MTSS1: variants seen among roughly 807,000 people sequenced by gnomAD.
MTSS1 encodes MTSS I-BAR domain containing 1, also known as protein MTSS 1.
A neutral mutation model predicts 79.0 loss-of-function variants in MTSS1; 18 were observed. That is an observed-to-expected ratio of 0.23 (90% CI 0.16 to 0.34). The LOEUF (loss-of-function observed/expected upper bound fraction) is 0.34, where lower values mean the gene tolerates loss of function less well. Ranked by LOEUF, MTSS1 falls within the 10% of genes least tolerant of loss-of-function variation. The pLI, the probability that MTSS1 is intolerant of heterozygous loss-of-function variation, is 1.00. For synonymous variants in MTSS1, 341 were observed against 368.6 expected, an observed-to-expected ratio of 0.93 and a Z score of 0.86; for missense variants, 815 against 986.2, an observed-to-expected ratio of 0.83 and a Z score of 2.33.
At chr8:124,577,650 G>A (rs747586502) in intron 6 of MTSS1, 1 of 518,470 alleles carries the variant, frequency 1.9e-6, no homozygotes. Context: ...CTTCCACCCA[G>A]ACAGAAGGGG....
At chr8:124,583,534 G>A (rs1830392238) in intron 6 of MTSS1, among the ~76,000 whole-genome samples, 1 of 152,190 alleles carries the variant, frequency 6.6e-6, no homozygotes, top group South Asian at 2.1e-4. Flanking sequence ...AACCAATTCA[G>A]CCTCCATGCA....
chr8:124,617,786 C>T (rs931478597), intron 3 of MTSS1, among the ~76,000 whole-genome samples: 6 of 152,170 alleles, frequency 3.9e-5, no homozygotes, highest in Non-Finnish European at 8.8e-5. Context: ...TTATACTCCT[C>T]GCTTGAAGTA....
At chr8:124,608,790 G>A (rs1587239313) in intron 3 of MTSS1, among the ~76,000 whole-genome samples, 1 of 152,312 alleles carries the variant, frequency 6.6e-6, no homozygotes, top group African/African-American at 2.4e-5. Flanking sequence ...GCGCTAGATG[G>A]AAAATGGATT....
intron 3 of MTSS1, among the ~76,000 whole-genome samples, chr8:124,626,994 C>G (rs1814818919): frequency 6.6e-6 from 1 of 152,144 alleles, no homozygotes; most frequent in African/African-American, 2.4e-5. Context: ...TGGACACGAA[C>G]CTGTCACGCA....
In MTSS1 at chr8:124,678,556, G is replaced by A. The variant is rs368450864; in HGVS notation, c.208+20970C>T. Among the ~76,000 whole-genome samples, 138 of 152,302 alleles carry A rather than the reference G, an allele frequency of 9.1e-4. 4 individuals are homozygous for A. In the South Asian group the frequency reaches 0.026, roughly 29 times the overall value. The stretch of plus-strand genomic sequence containing the variant: ...GGCAGGCAAAAGAGCGTGTACAGAG[G>A]AACTGCCCTTTATCAAACCATCAGA... On this transcript the variant is annotated intron_variant, in intron 3 of 13. Transcript: ENST00000518547.
intron 3 of MTSS1, among the ~76,000 whole-genome samples, chr8:124,688,267 A>ATG (rs766579397): frequency 6.6e-6 from 1 of 151,018 alleles, no homozygotes; most frequent in Non-Finnish European, 1.5e-5. Flanking sequence ...GTGCATGTGT[A>ATG]TGTGTGTGTA....
intron 10 of MTSS1, among the ~76,000 whole-genome samples, chr8:124,561,583 G>C (rs1304564077): frequency 6.6e-6 from 1 of 151,692 alleles, no homozygotes; most frequent in Non-Finnish European, 1.5e-5. Flanking sequence ...TCTTGGAAGG[G>C]AAGGCTGCAG....
At chr8:124,687,739 T>A (rs2135141890) in intron 3 of MTSS1, among the ~76,000 whole-genome samples, 1 of 152,370 alleles carries the variant, frequency 6.6e-6, no homozygotes, top group East Asian at 1.9e-4. Flanking sequence ...GAAGAATGTT[T>A]ACTATCGCCT....
chr8:124,628,089 C>A (rs2133738366), intron 3 of MTSS1, among the ~76,000 whole-genome samples: 1 of 152,288 alleles, frequency 6.6e-6, no homozygotes, highest in South Asian at 2.1e-4. Flanking sequence ...ATCGCTTGAA[C>A]CCGGGAGATG....
At chr8:124,639,893 T>C (rs1817711104) in intron 3 of MTSS1, among the ~76,000 whole-genome samples, 1 of 141,472 alleles carries the variant, frequency 7.1e-6, no homozygotes, top group Non-Finnish European at 1.6e-5. Context: ...GTAAACATTA[T>C]AAGTAGGCAG....
intron 3 of MTSS1, among the ~76,000 whole-genome samples, chr8:124,682,125 A>G (rs148887165): frequency 9.7e-4 from 148 of 152,378 alleles, no homozygotes; most frequent in African/African-American, 3.2e-3. Context: ...GTTCTTAAAC[A>G]GCAGCCATGC....
chr8:124,666,911 T>C (rs894261060), intron 3 of MTSS1, among the ~76,000 whole-genome samples: 1 of 151,876 alleles, frequency 6.6e-6, no homozygotes, highest in African/African-American at 2.4e-5. Flanking sequence ...AGGAGGTCAA[T>C]GGAGGAGTTT....
intron 1 of MTSS1, among the ~76,000 whole-genome samples, chr8:124,724,337 G>A (rs751780499): frequency 1.3e-5 from 2 of 152,152 alleles, no homozygotes; most frequent in Non-Finnish European, 2.9e-5. Context: ...AAACACAGGT[G>A]GGGGGCGGTG....
Position 124,557,667 on chromosome 8 carries a change from G to A in MTSS1, c.1230+14C>T. 6.4e-7 allele frequency: 1 copy of A among 1,558,156 alleles called. No homozygotes were observed. The highest frequency in any genetic ancestry group is 1.2e-5 in the South Asian group (1 of 84,556). On this transcript the variant is annotated intron_variant, in intron 11 of 13. Transcript: ENST00000518547. ...GGCAATGACGGGGAGAGGAGGAGGG[G>A]GAGAGACACAAACCTTCCAGCTAGG...
intron 1 of MTSS1, among the ~76,000 whole-genome samples, chr8:124,726,087 C>A (rs1206707785): frequency 7.9e-5 from 12 of 152,182 alleles, no homozygotes; most frequent in African/African-American, 2.9e-4. Context: ...TAGATTCCGC[C>A]GTGACTGGGC....
At chr8:124,690,781 C>T (rs1827813310) in intron 3 of MTSS1, among the ~76,000 whole-genome samples, 1 of 152,202 alleles carries the variant, frequency 6.6e-6, no homozygotes, top group East Asian at 1.9e-4. Flanking sequence ...AATATACGTA[C>T]TTGCCCGTCA....
At chr8:124,598,567 G>T (rs536524011) in intron 3 of MTSS1, among the ~76,000 whole-genome samples, 1 of 152,114 alleles carries the variant, frequency 6.6e-6, no homozygotes, top group Non-Finnish European at 1.5e-5. Context: ...GCAAACCCTC[G>T]CTGCAGAAGC....
At chr8:124,670,537 A>T (rs748583123) in intron 3 of MTSS1, among the ~76,000 whole-genome samples, 3 of 152,178 alleles carry the variant, frequency 2.0e-5, no homozygotes, top group Non-Finnish European at 4.4e-5. Context: ...TTAAATACAA[A>T]TGTATGTATG....
intron 3 of MTSS1, among the ~76,000 whole-genome samples, chr8:124,667,501 G>A (rs891091246): frequency 5.9e-5 from 9 of 151,942 alleles, no homozygotes; most frequent in African/African-American, 1.2e-4. Context: ...AAAATTAGCC[G>A]GGCATGGTGG....
Sources: gnomAD v4.1 joint callset for allele counts (sites outside exome capture counted in the v4.1 genomes callset) on GRCh38, gnomAD v4.1.1 for gene constraint, MANE v1.5 for transcripts, NCBI Gene and HGNC (gene_info 2026-07-23, HGNC 2026-07-21) for gene names.